Variants in ARHGAP15 observed in about 807,000 individuals in gnomAD.
ARHGAP15 encodes rho GTPase-activating protein 15.
A neutral mutation model predicts 63.7 loss-of-function variants in ARHGAP15; 51 were observed. That is an observed-to-expected ratio of 0.80 (90% CI 0.64 to 1.01). The LOEUF is 1.01. Among genes scored for constraint, ARHGAP15 ranks in the 50% least tolerant of loss-of-function variants. The pLI, the probability that ARHGAP15 is intolerant of heterozygous loss-of-function variation, is 0.00. For missense variants in ARHGAP15, 560 were observed against 564.6 expected (o/e 0.99, Z 0.08); for synonymous variants, 191 against 193.8 (o/e 0.99, Z 0.12).
chr2:143,652,298 A>G (rs1351876000), intron 12 of ARHGAP15, among the ~76,000 whole-genome samples: 1 of 152,050 alleles, frequency 6.6e-6, no homozygotes, highest in Admixed American at 6.6e-5. Context: ...TTGCAGTGCA[A>G]AAAACAGCCA....
chr2:143,517,683 T>C (rs1356274082), intron 9 of ARHGAP15, among the ~76,000 whole-genome samples: 2 of 152,144 alleles, frequency 1.3e-5, no homozygotes, highest in African/African-American at 4.8e-5. Context: ...CAAGTGGAGA[T>C]ATGTGCTCTA....
At chr2:143,502,334 G>T (rs1303011632) in intron 9 of ARHGAP15, among the ~76,000 whole-genome samples, 2 of 151,838 alleles carry the variant, frequency 1.3e-5, no homozygotes, top group South Asian at 4.2e-4. Context: ...ACTTGAGCCT[G>T]GGAGGCAGAG....
At chr2:143,529,190 C>G (rs571814492) in intron 10 of ARHGAP15, among the ~76,000 whole-genome samples, 2 of 152,034 alleles carry the variant, frequency 1.3e-5, no homozygotes, top group African/African-American at 4.8e-5. Flanking sequence ...TAACTCAGCC[C>G]GCAGCATTAC....
chr2:143,705,308 T>C (rs1684278779), intron 13 of ARHGAP15, among the ~76,000 whole-genome samples: 1 of 152,182 alleles, frequency 6.6e-6, no homozygotes, highest in African/African-American at 2.4e-5. Context: ...CACTCCCACA[T>C]ACTGGCTACG....
chr2:143,690,266 GA>G (rs1477071666), intron 12 of ARHGAP15, among the ~76,000 whole-genome samples: 1 of 152,140 alleles, frequency 6.6e-6, no homozygotes, highest in Non-Finnish European at 1.5e-5. Flanking sequence ...ATTATTATAA[GA>G]ATTCTATTAT....
chr2:143,476,311 A>T (rs1450870224), intron 8 of ARHGAP15, among the ~76,000 whole-genome samples: 1 of 152,136 alleles, frequency 6.6e-6, no homozygotes, highest in Non-Finnish European at 1.5e-5. Context: ...AATTCTTCCT[A>T]CTCATGGGGG....
chr2:143,346,172 A>T (rs13413451), intron 6 of ARHGAP15, among the ~76,000 whole-genome samples: 121 of 138,920 alleles, frequency 8.7e-4, no homozygotes, highest in African/African-American at 2.5e-3. Context: ...ACACACACAC[A>T]CTCTCTCTCT....
chr2:143,753,730 G>T (rs995851892), intron 13 of ARHGAP15, among the ~76,000 whole-genome samples: 12 of 152,034 alleles, frequency 7.9e-5, no homozygotes, highest in Non-Finnish European at 1.8e-4. Context: ...CAAAAAAATG[G>T]CATCATTATC....
chr2:143,618,283 T>A (rs376207377), intron 11 of ARHGAP15, among the ~76,000 whole-genome samples: 1 of 152,238 alleles, frequency 6.6e-6, no homozygotes, highest in Admixed American at 6.5e-5. Flanking sequence ...TTTATCCACA[T>A]TAATATCTAA....
rs557843207 is a variant in ARHGAP15 at position 143,454,429 on chromosome 2, A to T, written c.703+17387A>T. On this transcript the variant is annotated intron_variant, in intron 8 of 13. Coordinates refer to ENST00000295095, the MANE Select transcript of ARHGAP15 (RefSeq NM_018460.4). Reference sequence around the variant, plus strand: ...GGCTGGGAATACAGTCTTATGGGCAATCACTGTATATTTATCTGTTTGCTT... The same window carrying T: ...GGCTGGGAATACAGTCTTATGGGCATTCACTGTATATTTATCTGTTTGCTT... 3.3e-5 allele frequency among the ~76,000 whole-genome samples: 5 copies of T among 152,222 alleles called. No homozygotes were observed. In the South Asian group the frequency reaches 1.0e-3, roughly 32 times the overall value.
chr2:143,210,053 T>C (rs1234766268), intron 3 of ARHGAP15, among the ~76,000 whole-genome samples: 1 of 152,168 alleles, frequency 6.6e-6, no homozygotes, highest in African/African-American at 2.4e-5. Context: ...AACGCAGAAA[T>C]TGAATTACAC....
intron 13 of ARHGAP15, among the ~76,000 whole-genome samples, chr2:143,749,265 G>A (rs371052934): frequency 5.5e-4 from 84 of 152,230 alleles, no homozygotes; most frequent in South Asian, 1.9e-3. Context: ...ACCCGGCTCC[G>A]AGAATATTTG....
chr2:143,534,360 T>C (rs1425978110), intron 10 of ARHGAP15, among the ~76,000 whole-genome samples: 3 of 152,166 alleles, frequency 2.0e-5, no homozygotes, highest in Non-Finnish European at 4.4e-5. Context: ...TACCGAGTCA[T>C]AGGCAGTTCG....
intron 13 of ARHGAP15, chr2:143,741,082 C>T (rs898628645): frequency 3.3e-5 from 5 of 152,174 alleles, no homozygotes; most frequent in African/African-American, 1.2e-4. Context: ...AGGACCAAAG[C>T]AACTCACCCG....
chr2:143,551,574 A>G (rs1695565061), intron 10 of ARHGAP15, among the ~76,000 whole-genome samples: 1 of 151,978 alleles, frequency 6.6e-6, no homozygotes, highest in African/African-American at 2.4e-5. Context: ...TGTTTTTTTA[A>G]CCATGGAAAT....
At chr2:143,558,328 C>A (rs756082266) in intron 11 of ARHGAP15, among the ~76,000 whole-genome samples, 3 of 152,052 alleles carry the variant, frequency 2.0e-5, no homozygotes, top group South Asian at 2.1e-4. Context: ...TGGTAGATTT[C>A]TTCTTTTTCT....
intron 10 of ARHGAP15, among the ~76,000 whole-genome samples, chr2:143,541,331 T>C (rs993339903): frequency 1.3e-5 from 2 of 152,184 alleles, no homozygotes; most frequent in Non-Finnish European, 2.9e-5. Flanking sequence ...AACTTCCTCC[T>C]TTAGCTCAGA....
chr2:143,139,199 G>A lies in ARHGAP15; in HGVS notation c.-15+9733G>A, dbSNP rs1002561226. 3.3e-5 allele frequency among the ~76,000 whole-genome samples: 5 copies of A among 152,054 alleles called. No individual in the cohort carries two copies. In the South Asian group the frequency reaches 1.0e-3, roughly 32 times the overall value. On this transcript the variant is annotated intron_variant, in intron 1 of 13. Coordinates refer to ENST00000295095, the MANE Select transcript of ARHGAP15 (RefSeq NM_018460.4). ...GATTATGTCCCACATTAAATCCATG[G>A]CCTCTCCCAAGGGTTATTTTTGCCT...
intron 11 of ARHGAP15, among the ~76,000 whole-genome samples, chr2:143,610,654 C>A (rs985323749): frequency 6.6e-6 from 1 of 152,136 alleles, no homozygotes; most frequent in South Asian, 2.1e-4. Flanking sequence ...ATTAGCTACA[C>A]ATCAAAGAGC....
Sources: gnomAD v4.1 joint callset for allele counts (sites outside exome capture counted in the v4.1 genomes callset) on GRCh38, gnomAD v4.1.1 for gene constraint, MANE v1.5 for transcripts, NCBI Gene and HGNC (gene_info 2026-07-23, HGNC 2026-07-21) for gene names.